KCNIP4: variants seen among roughly 807,000 people sequenced by gnomAD.
KCNIP4 encodes the protein potassium voltage-gated channel interacting protein 4.
In KCNIP4, 12 loss-of-function variants were observed where a neutral mutation model predicts 34.0. The observed-to-expected ratio is 0.35, with a 90% confidence interval of 0.23 to 0.57. KCNIP4 has a LOEUF of 0.57. Among genes scored for constraint, KCNIP4 ranks in the 20% least tolerant of loss-of-function variants. KCNIP4 has a pLI of 0.83. For synonymous variants in KCNIP4, 124 were observed against 102.2 expected (o/e 1.21, Z -1.29); for missense variants, 238 against 311.7 (o/e 0.76, Z 1.78).
At chr4:21,538,211 G>A (rs191807819) in intron 1 of KCNIP4, among the ~76,000 whole-genome samples, 216 of 152,132 alleles carry the variant, frequency 1.4e-3, no homozygotes, top group African/African-American at 5.1e-3. Flanking sequence ...TTTAGAAGTA[G>A]TATGTCCCAC....
chr4:21,931,215 C>A (rs1217030669), intron 1 of KCNIP4, among the ~76,000 whole-genome samples: 3 of 148,254 alleles, frequency 2.0e-5, no homozygotes, highest in Admixed American at 1.4e-4. Flanking sequence ...ACAATAGGAG[C>A]TTTAAATGAT....
At chr4:21,738,054 T>C (rs1318078718) in intron 1 of KCNIP4, among the ~76,000 whole-genome samples, 1 of 151,422 alleles carries the variant, frequency 6.6e-6, no homozygotes, top group African/African-American at 2.4e-5. Flanking sequence ...ATCTTGCCAC[T>C]GCACTCCAGC....
chr4:21,769,368 T>C (rs1474877376), intron 1 of KCNIP4, among the ~76,000 whole-genome samples: 2 of 152,158 alleles, frequency 1.3e-5, no homozygotes, highest in African/African-American at 4.8e-5. Flanking sequence ...TAATCACTTT[T>C]CATGTATGTT....
At chr4:21,779,217 A>G (rs1204042630) in intron 1 of KCNIP4, among the ~76,000 whole-genome samples, 1 of 152,180 alleles carries the variant, frequency 6.6e-6, no homozygotes, top group African/African-American at 2.4e-5. Context: ...AGGATATTAT[A>G]AACTTGCAGT....
intron 3 of KCNIP4, among the ~76,000 whole-genome samples, chr4:20,782,546 G>A (rs1212602052): frequency 6.6e-6 from 1 of 152,162 alleles, no homozygotes; most frequent in Non-Finnish European, 1.5e-5. Context: ...CCAGGGCTTA[G>A]GGCTTGCACC....
intron 1 of KCNIP4, among the ~76,000 whole-genome samples, chr4:20,963,866 T>C (rs964973890): frequency 2.6e-5 from 4 of 152,058 alleles, no homozygotes; most frequent in Admixed American, 6.6e-5. Context: ...GTTTAACAGC[T>C]CTTTGAGCTT....
At chr4:20,812,285 G>C (rs1715869142) in intron 3 of KCNIP4, among the ~76,000 whole-genome samples, 1 of 152,132 alleles carries the variant, frequency 6.6e-6, no homozygotes, top group Non-Finnish European at 1.5e-5. Flanking sequence ...AGTGAATGTT[G>C]GTGGGGCAAA....
chr4:20,914,705 GT>G (rs1287278277), intron 1 of KCNIP4, among the ~76,000 whole-genome samples: 3 of 152,120 alleles, frequency 2.0e-5, no homozygotes, highest in African/African-American at 7.2e-5. Flanking sequence ...GAAGTCACTC[GT>G]GCCTCTTCAG....
chr4:21,430,614 A>T (rs1379113977), intron 1 of KCNIP4, among the ~76,000 whole-genome samples: 1 of 152,128 alleles, frequency 6.6e-6, no homozygotes, highest in Non-Finnish European at 1.5e-5. Context: ...ATTATTTATG[A>T]AGGGTTTAGG....
intron 1 of KCNIP4, among the ~76,000 whole-genome samples, chr4:20,916,983 GTTTATATA>G (rs1728877819): frequency 1.4e-5 from 1 of 71,896 alleles, no homozygotes; most frequent in African/African-American, 7.0e-5. Flanking sequence ...ACCATCTTAT[GTTTATATA>G]TATATATATA....
intron 1 of KCNIP4, among the ~76,000 whole-genome samples, chr4:21,534,089 C>T (rs1054129859): frequency 1.3e-5 from 2 of 152,146 alleles, no homozygotes. Context: ...CATCTCAGTG[C>T]CTCAGTTTCC....
chr4:21,677,570 C>G (rs1750007121), intron 1 of KCNIP4, among the ~76,000 whole-genome samples: 1 of 152,160 alleles, frequency 6.6e-6, no homozygotes, highest in African/African-American at 2.4e-5. Context: ...GGTGGAGCCT[C>G]TCCACTCAAA....
intron 1 of KCNIP4, among the ~76,000 whole-genome samples, chr4:21,111,709 G>C (rs1388955511): frequency 6.6e-6 from 1 of 152,170 alleles, no homozygotes; most frequent in Non-Finnish European, 1.5e-5. Context: ...CGCTGCCTTG[G>C]AGTAGGGGTC....
chr4:20,929,105 T>C (rs1730181915), intron 1 of KCNIP4, among the ~76,000 whole-genome samples: 2 of 152,044 alleles, frequency 1.3e-5, no homozygotes, highest in Non-Finnish European at 2.9e-5. Flanking sequence ...CCAATATCTC[T>C]GATGAACATT....
At chr4:21,734,511 G>T (rs918710163) in intron 1 of KCNIP4, among the ~76,000 whole-genome samples, 1 of 152,102 alleles carries the variant, frequency 6.6e-6, no homozygotes, top group Non-Finnish European at 1.5e-5. Flanking sequence ...ATTGGTATTT[G>T]AGTTAGAAGT....
intron 1 of KCNIP4, among the ~76,000 whole-genome samples, chr4:21,252,066 G>A (rs1760744157): frequency 6.6e-6 from 1 of 150,578 alleles, no homozygotes; most frequent in South Asian, 2.1e-4. Context: ...GAGATGTTTT[G>A]ATGTTTTAAG....
At chr4:21,255,457 A>C (rs754170514) in intron 1 of KCNIP4, among the ~76,000 whole-genome samples, 5 of 152,068 alleles carry the variant, frequency 3.3e-5, no homozygotes, top group African/African-American at 4.8e-5. Flanking sequence ...TCTTCAGGCC[A>C]AATCCATTTG....
intron 1 of KCNIP4, among the ~76,000 whole-genome samples, chr4:21,262,553 T>C (rs1337028447): frequency 6.6e-6 from 1 of 152,220 alleles, no homozygotes; most frequent in Non-Finnish European, 1.5e-5. Flanking sequence ...TTCCCTTACA[T>C]CTTCCCTGCA....
chr4:21,694,134 T>C (rs1361551000), intron 1 of KCNIP4, among the ~76,000 whole-genome samples: 8 of 152,188 alleles, frequency 5.3e-5, no homozygotes, highest in Non-Finnish European at 1.0e-4. Context: ...TGCAATAACA[T>C]TCATCCTTCT....
Sources: allele counts gnomAD v4.1 joint callset (sites outside exome capture counted in the v4.1 genomes callset), GRCh38; gene constraint gnomAD v4.1.1; transcripts MANE v1.5; gene names NCBI Gene and HGNC (gene_info 2026-07-23, HGNC 2026-07-21).